Variants in SLC4A7 observed in about 807,000 individuals in gnomAD.
The protein encoded by SLC4A7 is solute carrier family 4 member 7, also known as sodium bicarbonate cotransporter 3.
Under a neutral mutation model 137.6 loss-of-function variants are expected in SLC4A7, and 51 were observed. The observed-to-expected ratio is 0.37, with a 90% CI of 0.30 to 0.47. The LOEUF (loss-of-function observed/expected upper bound fraction) is 0.47. Among genes scored for constraint, SLC4A7 ranks in the 20% least tolerant of loss-of-function variants. The probability of loss-of-function intolerance (pLI) is 1.00; values close to 1 mark genes in which losing one functional copy is unlikely to be tolerated. For missense variants in SLC4A7, 1,247 were observed against 1,525.4 expected (o/e 0.82, Z 3.04); for synonymous variants, 542 against 518.6 (o/e 1.05, Z -0.61).
chr3:27,425,093 G>A (rs906502212), intron 7 of SLC4A7, among the ~76,000 whole-genome samples: 5 of 152,034 alleles, frequency 3.3e-5, no homozygotes, highest in Admixed American at 2.0e-4. Flanking sequence ...AAATTCAGCC[G>A]GGTGCAGTGG....
intron 16 of SLC4A7, among the ~76,000 whole-genome samples, chr3:27,399,530 G>A (rs1360718753): frequency 6.6e-6 from 1 of 152,136 alleles, no homozygotes; most frequent in Non-Finnish European, 1.5e-5. Flanking sequence ...CAACTCCTGG[G>A]CTCAAGTGAT....
intron 1 of SLC4A7, 51 bp downstream of exon 1, chr3:27,484,016 C>A: frequency 7.6e-7 from 1 of 1,311,392 alleles, no homozygotes; most frequent in Non-Finnish European, 9.8e-7. Context: ...TTGTCTGCCT[C>A]GCCCCGCGCC....
At chr3:27,482,894 T>G (rs1282968559) in intron 1 of SLC4A7, among the ~76,000 whole-genome samples, 1 of 152,262 alleles carries the variant, frequency 6.6e-6, no homozygotes, top group East Asian at 1.9e-4. Flanking sequence ...GACTGAGTTT[T>G]CTTCTATGTT....
intron 11 of SLC4A7, among the ~76,000 whole-genome samples, chr3:27,412,855 G>T (rs1406533100): frequency 6.6e-6 from 1 of 151,364 alleles, no homozygotes; most frequent in Non-Finnish European, 1.5e-5. Context: ...AGAAAATTAA[G>T]CAATTATATT....
In SLC4A7 at chr3:27,390,051, C is replaced by G. The variant is rs191899197; in HGVS notation, c.3240G>C (p.Leu1080Phe). The G allele has an allele frequency of 6.2e-6, 10 of 1,611,746 alleles. No individual in the cohort carries two copies. Among genetic ancestry groups the G allele is most frequent in the Non-Finnish European group, 7.6e-6 (9 of 1,178,158 alleles). Residue 1080 changes from leucine (L) to phenylalanine (F), a missense_variant, in exon 22 of 26, where the codon TTG (leucine) becomes TTC (phenylalanine). Physicochemically the swap from Leu to Phe is conservative, Grantham distance 22. This residue lies in a region of SLC4A7 where 290 missense variants were observed against 323.8 expected (regional missense o/e 0.90). Transcript: ENST00000454389. ...AGAGCGGCACATAACGGAGGTATAT[C>G]AAATCAGGCTGATGCTTAGCAGGCA... ...FGMPAKHQPD[L>F]IYLRYVPLWK...
intron 13 of SLC4A7, among the ~76,000 whole-genome samples, chr3:27,407,112 T>C (rs1279334622): frequency 2.1e-4 from 1 of 4,794 alleles, no homozygotes; most frequent in Non-Finnish European, 2.3e-3. Context: ...ATGAAGACCT[T>C]TTTTTTTTTT....
chr3:27,403,361 G>T lies in SLC4A7; in HGVS notation c.2099C>A (p.Ser700Tyr). Residue 700 changes from serine to tyrosine, a missense_variant, in exon 15 of 26, where the codon TCT becomes TAT. By Grantham distance (144) the Ser-to-Tyr change is moderately radical. Transcript: ENST00000454389. ...CCACAGACCAATACTGGTTCTTAAA[G>T]ACAGATAAGAAAGTTGATAATCTCT... Reference protein sequence around the residue: ...FCRDYQLSYLSLRTSIGLWTS... With the variant: ...FCRDYQLSYLYLRTSIGLWTS... The T allele has an allele frequency of 6.3e-7, 1 of 1,590,336 alleles. No homozygotes were observed. Among genetic ancestry groups the T allele is most frequent in the South Asian group, 1.1e-5 (1 of 87,366 alleles).
chr3:27,467,914 C>A (rs901811787), intron 1 of SLC4A7, among the ~76,000 whole-genome samples: 6 of 152,140 alleles, frequency 3.9e-5, no homozygotes, highest in African/African-American at 1.4e-4. Context: ...AAAAAATTAT[C>A]AAGGCAAAGT....
intron 16 of SLC4A7, among the ~76,000 whole-genome samples, chr3:27,399,668 G>T (rs971357495): frequency 4.6e-5 from 7 of 152,132 alleles, no homozygotes; most frequent in African/African-American, 1.7e-4. Context: ...CTGGCCTCTA[G>T]CAATACTCCT....
At chr3:27,448,479 T>TA (rs893976309) in intron 3 of SLC4A7, among the ~76,000 whole-genome samples, 172 bp downstream of exon 3, 20 of 149,844 alleles carry the variant, frequency 1.3e-4, no homozygotes, top group African/African-American at 2.4e-4. Flanking sequence ...ATAAAAATTA[T>TA]AAAAAAAAAA....
Position 27,436,374 on chromosome 3 carries a change from C to A in SLC4A7, c.589+14G>T. 1 of 1,592,756 alleles carries A rather than the reference C, an allele frequency of 6.3e-7. No homozygotes were observed. Among genetic ancestry groups the A allele is most frequent in the South Asian group, 1.1e-5 (1 of 87,784 alleles). On this transcript the variant is annotated intron_variant, in intron 5 of 25. Transcript: ENST00000454389. ...TACACCTTACATATTTTTTAAAAGT[C>A]AGTTTACTATAACCTGCTATTTCAT...
chr3:27,424,173 C>T, intron 7 of SLC4A7, 21 bp from the exon 8 acceptor site: 1 of 1,286,338 alleles, frequency 7.8e-7, no homozygotes. Flanking sequence ...AGACAAATTC[C>T]AAATTAGTAA....
rs1023307760 is a variant in SLC4A7, at chr3:27,419,737, A to G, written c.1512+963T>C. On this transcript the variant is annotated intron_variant, in intron 10 of 25. Coordinates refer to ENST00000454389, the MANE Select transcript of SLC4A7 (RefSeq NM_001321103.2). The stretch of plus-strand genomic sequence containing the variant: ...TTTGCATGTTACTGAGAGTGTAGAG[A>G]AAAATACTATACAATAAATACTCAT... Among the ~76,000 whole-genome samples, 3 of 152,072 alleles carry G rather than the reference A, an allele frequency of 2.0e-5. No homozygotes were observed. In the South Asian group the frequency reaches 6.2e-4, roughly 32 times the overall value.
intron 18 of SLC4A7, among the ~76,000 whole-genome samples, 199 bp from the exon 19 acceptor site, chr3:27,395,314 CTCAG>C (rs1379560712): frequency 1.3e-5 from 2 of 152,180 alleles, no homozygotes; most frequent in South Asian, 2.1e-4. Flanking sequence ...TGTCATTTGA[CTCAG>C]TCAATCTTTC....
At chr3:27,435,615 A>G (rs2056672852) in intron 5 of SLC4A7, among the ~76,000 whole-genome samples, 1 of 152,204 alleles carries the variant, frequency 6.6e-6, no homozygotes, top group Admixed American at 6.5e-5. Context: ...CAAAGTGGGC[A>G]GGTTGTTTGA....
At chr3:27,422,832 G>A (rs1327474543) in intron 8 of SLC4A7, 9 of 455,754 alleles carry the variant, frequency 2.0e-5, no homozygotes, top group Non-Finnish European at 4.0e-5. Context: ...AGTGCCAGGA[G>A]GCAGACTCCT....
At chr3:27,457,196 C>G (rs2058459772) in intron 1 of SLC4A7, among the ~76,000 whole-genome samples, 1 of 151,978 alleles carries the variant, frequency 6.6e-6, no homozygotes, top group East Asian at 1.9e-4. Flanking sequence ...ATATAAGTTA[C>G]CACATCAGGA....
chr3:27,443,273 G>A (rs534605398), intron 3 of SLC4A7, among the ~76,000 whole-genome samples: 9 of 151,772 alleles, frequency 5.9e-5, no homozygotes, highest in South Asian at 2.1e-4. Context: ...CAGGTGATCC[G>A]CCCGCCTCGG....
At chr3:27,403,090 A>G (rs755092531) in intron 15 of SLC4A7, 49 bp downstream of exon 15, 5 of 1,550,026 alleles carry the variant, frequency 3.2e-6, no homozygotes, top group Non-Finnish European at 4.3e-6. Context: ...AGGCTCTGAC[A>G]TCTCTGTAAA....
Sources: allele counts gnomAD v4.1 joint callset (sites outside exome capture counted in the v4.1 genomes callset), GRCh38; gene constraint gnomAD v4.1.1; regional missense constraint gnomAD v4.1.1; transcripts MANE v1.5; gene names NCBI Gene and HGNC (gene_info 2026-07-23, HGNC 2026-07-21).